The following NUTF2 variants were observed in gnomAD, a reference collection of about 807,000 sequenced individuals.
NUTF2 encodes placental protein 15.
In NUTF2, 3 loss-of-function variants were observed where a neutral mutation model predicts 18.5. The ratio of observed to expected loss-of-function variants is 0.16; its 90% CI spans 0.07 to 0.42. The LOEUF is 0.42. Ranked by LOEUF, NUTF2 falls within the 10% of genes least tolerant of loss-of-function variation. The pLI is 0.99. For synonymous variants in NUTF2, 51 were observed against 57.9 expected (o/e 0.88, Z 0.54); for missense variants, 44 against 160.7 (o/e 0.27, Z 3.93).
chr16:67,852,027 A>T (rs1240109353), intron 1 of NUTF2, among the ~76,000 whole-genome samples: 1 of 152,062 alleles, frequency 6.6e-6, no homozygotes, highest in Non-Finnish European at 1.5e-5. Context: ...GAAAAAAAAA[A>T]ATTCATAACT....
chr16:67,859,154 C>A (rs560688954), intron 1 of NUTF2, among the ~76,000 whole-genome samples: 5 of 151,766 alleles, frequency 3.3e-5, no homozygotes, highest in Admixed American at 2.0e-4. Context: ...CCGCAAGACG[C>A]TTTTTACACT....
In NUTF2 at chr16:67,872,219, T is replaced by G. The variant is rs1422603689; in HGVS notation, c.*1306T>G. 6.6e-6 allele frequency: 1 copy of G among 152,170 alleles called. No individual in the cohort carries two copies. The highest frequency in any genetic ancestry group is 1.5e-5 in the Non-Finnish European group (1 of 68,044). The allele number at this position is 152,170 out of a possible 1,614,324, so 9.4% of individuals were successfully genotyped here. On this transcript the variant is annotated 3_prime_UTR_variant, in exon 5 of 5. Coordinates refer to ENST00000219169, the MANE Select transcript of NUTF2 (RefSeq NM_005796.3). The stretch of plus-strand genomic sequence containing the variant: ...GCTAGAACCAAACCCAAGATTTGGG[T>G]CAGTGCCCTGTTAAGGGTTTTAGGA...
At position 67,852,741 on chromosome 16, in the gene NUTF2, G is replaced by C. The variant is rs181861596; in HGVS notation, c.-30+5756G>C. On this transcript the variant is annotated intron_variant, in intron 1 of 4. Coordinates refer to ENST00000219169, the MANE Select transcript of NUTF2 (RefSeq NM_005796.3). ...ATTGCCCAGGCTGGAGTGCAATGGC[G>C]TGATCTCGGCTCACTGCAACCTCTG... is the stretch of plus-strand genomic sequence containing the variant. Among the ~76,000 whole-genome samples the C allele has an allele frequency of 8.3e-4, 126 of 152,074 alleles. 1 individual carries two copies. The highest frequency in any genetic ancestry group is 3.4e-3 in the Middle Eastern group (1 of 294).
intron 2 of NUTF2, among the ~76,000 whole-genome samples, chr16:67,866,950 G>A (rs2057976941): frequency 6.6e-6 from 1 of 151,628 alleles, no homozygotes; most frequent in Non-Finnish European, 1.5e-5. Flanking sequence ...TGAGATCCTG[G>A]CACTTGTGCC....
intron 1 of NUTF2, chr16:67,855,947 G>T: frequency 2.9e-6 from 3 of 1,017,730 alleles, no homozygotes; most frequent in Non-Finnish European, 4.4e-6. Flanking sequence ...GTGGGCAGAT[G>T]TCCAGCCTCA....
intron 1 of NUTF2, among the ~76,000 whole-genome samples, chr16:67,858,139 C>CA (rs1006620655): frequency 6.6e-6 from 1 of 152,134 alleles, no homozygotes; most frequent in African/African-American, 2.4e-5. Flanking sequence ...ATACAGGAGG[C>CA]AAAATGGGTA....
intron 2 of NUTF2, 32 bp from the exon 3 acceptor site, chr16:67,868,308 C>G: frequency 6.2e-7 from 1 of 1,608,332 alleles, no homozygotes; most frequent in Non-Finnish European, 8.5e-7. Flanking sequence ...ACTCTGAGGC[C>G]CCAACCCTGG....
intron 1 of NUTF2, among the ~76,000 whole-genome samples, chr16:67,852,919 G>T (rs2057870610): frequency 6.6e-6 from 1 of 152,048 alleles, no homozygotes; most frequent in Admixed American, 6.6e-5. Flanking sequence ...CCTCACTCAG[G>T]TGATCCACCC....
chr16:67,863,497 C>T (rs868164944), intron 1 of NUTF2, among the ~76,000 whole-genome samples: 1 of 152,158 alleles, frequency 6.6e-6, no homozygotes, highest in South Asian at 2.1e-4. Flanking sequence ...TGGCTTTGGG[C>T]GAGGTCACAC....
chr16:67,851,505 G>GT (rs202053692), intron 1 of NUTF2, among the ~76,000 whole-genome samples: 4,515 of 151,522 alleles, frequency 0.03, 101 homozygotes, highest in Middle Eastern at 0.16. Flanking sequence ...CCAGAATTTT[G>GT]TTTTTTTTAT....
At chr16:67,862,875 A>G (rs183069284) in intron 1 of NUTF2, among the ~76,000 whole-genome samples, 1 of 152,248 alleles carries the variant, frequency 6.6e-6, no homozygotes, top group Non-Finnish European at 1.5e-5. Flanking sequence ...TCTGGTTGGC[A>G]TACCCTTTCT....
intron 1 of NUTF2, among the ~76,000 whole-genome samples, chr16:67,852,600 C>T (rs916726103): frequency 1.3e-5 from 2 of 152,074 alleles, no homozygotes; most frequent in Non-Finnish European, 2.9e-5. Context: ...TCAGGCGATC[C>T]GCCCACCTCA....
chr16:67,865,104 C>A lies in NUTF2; in HGVS notation c.-27C>A. 1 of 1,540,108 alleles carries A rather than the reference C, an allele frequency of 6.5e-7. No homozygotes were observed. Among genetic ancestry groups the A allele is most frequent in the Non-Finnish European group, 9.0e-7 (1 of 1,115,198 alleles). On this transcript the variant is annotated splice_region_variant and 5_prime_UTR_variant, in exon 2 of 5. Coordinates refer to ENST00000219169, the MANE Select transcript of NUTF2 (RefSeq NM_005796.3). ...TCCTGGTCTCATTGGTCTTGCAGGT[C>A]TCCGTGAGGCCGGGTGACGCTCCAG...
Position 67,868,492 on chromosome 16 carries a change from C to G in NUTF2, c.172-9C>G, listed in dbSNP as rs754145594. ...TTGGTTCTCCCACCTCCCACTCTCT[C>G]TCTTGTAGAGCCTTCCGTTCCAGAA... On this transcript the variant is annotated splice_polypyrimidine_tract_variant and intron_variant, in intron 3 of 4. Coordinates refer to ENST00000219169, the MANE Select transcript of NUTF2 (RefSeq NM_005796.3). 6.8e-6 allele frequency: 11 copies of G among 1,614,158 alleles called. No homozygotes were observed. The highest frequency in any genetic ancestry group is 1.7e-5 in the Admixed American group (1 of 60,018).
At chr16:67,852,343 CT>C (rs112999471) in intron 1 of NUTF2, among the ~76,000 whole-genome samples, 47 of 151,094 alleles carry the variant, frequency 3.1e-4, no homozygotes, top group African/African-American at 9.5e-4. Flanking sequence ...ACACTATTAT[CT>C]TTTTTTCTTT....
intron 1 of NUTF2, among the ~76,000 whole-genome samples, chr16:67,853,074 C>G (rs2057871976): frequency 6.6e-6 from 1 of 152,090 alleles, no homozygotes; most frequent in Non-Finnish European, 1.5e-5. Flanking sequence ...AGGTCTCACT[C>G]TTTTACCAAC....
Position 67,868,543 on chromosome 16 carries a change from G to A in NUTF2, c.214G>A (p.Asp72Asn). 1 of 1,614,044 alleles carries A rather than the reference G, an allele frequency of 6.2e-7. No individual in the cohort carries two copies. Among genetic ancestry groups the A allele is most frequent in the Non-Finnish European group, 8.5e-7 (1 of 1,180,004 alleles). ...QKIQHSITAQ[D>N]HQPTPDSCII... ...AATTCAGCACAGCATCACCGCGCAG[G>A]ACCATCAGCCCACTCCAGATAGCTG... The change falls in exon 4 of 5, where the codon GAC becomes AAC. Residue 72 changes from aspartate to asparagine, a missense_variant. Asp to Asn is a conservative substitution (Grantham distance 23). Coordinates refer to ENST00000219169, the MANE Select transcript of NUTF2 (RefSeq NM_005796.3).
intron 1 of NUTF2, among the ~76,000 whole-genome samples, chr16:67,851,612 C>T (rs563138960): frequency 2.6e-5 from 4 of 152,138 alleles, no homozygotes; most frequent in Non-Finnish European, 4.4e-5. Flanking sequence ...CACCCATTAA[C>T]TCGTCATTTA....
intron 1 of NUTF2, among the ~76,000 whole-genome samples, chr16:67,851,288 T>C (rs1884591453): frequency 6.6e-6 from 1 of 151,224 alleles, no homozygotes; most frequent in South Asian, 2.1e-4. Context: ...GGAGACCAGC[T>C]TGGCCAATAT....
Sources: gnomAD v4.1 joint callset for allele counts (sites outside exome capture counted in the v4.1 genomes callset) on GRCh38, gnomAD v4.1.1 for gene constraint, MANE v1.5 for transcripts, NCBI Gene and HGNC (gene_info 2026-07-23, HGNC 2026-07-21) for gene names.